SBF2: variants seen among roughly 807,000 people sequenced by gnomAD.
SBF2 encodes myotubularin-related protein 13.
A neutral mutation model predicts 225.2 loss-of-function variants in SBF2; 112 were observed. That is an observed-to-expected ratio of 0.50 (90% CI 0.43 to 0.58). SBF2 has a LOEUF of 0.58. Among genes scored for constraint, SBF2 ranks in the 20% least tolerant of loss-of-function variants. SBF2 has a pLI of 0.00. For synonymous variants in SBF2, 763 were observed against 773.3 expected (o/e 0.99, Z 0.22); for missense variants, 1,996 against 2,206.2 (o/e 0.90, Z 1.91).
intron 32 of SBF2, among the ~76,000 whole-genome samples, chr11:9,804,888 C>A (rs1175351528): frequency 6.6e-6 from 1 of 152,148 alleles, no homozygotes; most frequent in Non-Finnish European, 1.5e-5. Flanking sequence ...CCTTTATAGT[C>A]ACACTCATTT....
intron 13 of SBF2, among the ~76,000 whole-genome samples, chr11:9,970,475 T>C (rs926922839): frequency 2.6e-4 from 39 of 152,236 alleles, no homozygotes; most frequent in African/African-American, 9.4e-4. Flanking sequence ...ATACATCCTC[T>C]TGACACTTAA....
intron 2 of SBF2, among the ~76,000 whole-genome samples, chr11:10,044,292 C>A (rs891368570): frequency 6.7e-6 from 1 of 148,538 alleles, no homozygotes; most frequent in African/African-American, 2.5e-5. Flanking sequence ...AAATGAAAGA[C>A]GGGATATCAG....
chr11:10,190,280 T>A (rs181365180), intron 2 of SBF2, among the ~76,000 whole-genome samples: 1 of 152,206 alleles, frequency 6.6e-6, no homozygotes, highest in Non-Finnish European at 1.5e-5. Flanking sequence ...TTGTTAACCA[T>A]AGAATGCCTC....
intron 2 of SBF2, among the ~76,000 whole-genome samples, chr11:10,065,925 CAAG>C (rs1261513042): frequency 1.3e-5 from 2 of 152,002 alleles, no homozygotes; most frequent in East Asian, 1.9e-4. Context: ...CCAGCCTGGG[CAAG>C]AAGAACAAAA....
intron 9 of SBF2, 33 bp from the exon 10 acceptor site, chr11:9,994,031 C>G: frequency 1.7e-6 from 2 of 1,156,410 alleles, no homozygotes; most frequent in East Asian, 4.7e-5. Flanking sequence ...TGTAAAATAT[C>G]ATAATATCAA....
intron 2 of SBF2, among the ~76,000 whole-genome samples, chr11:10,171,928 A>G (rs912998310): frequency 4.6e-5 from 7 of 152,130 alleles, no homozygotes; most frequent in African/African-American, 1.4e-4. Flanking sequence ...CAATTTATTG[A>G]CATATAGTTG....
chr11:10,076,240 C>T (rs555453696), intron 2 of SBF2, among the ~76,000 whole-genome samples: 1 of 152,280 alleles, frequency 6.6e-6, no homozygotes, highest in Admixed American at 6.5e-5. Context: ...AGTTGGAGAA[C>T]AGGGAGACTG....
chr11:9,979,525 T>C (rs1946849085), intron 13 of SBF2, among the ~76,000 whole-genome samples: 1 of 152,224 alleles, frequency 6.6e-6, no homozygotes, highest in South Asian at 2.1e-4. Flanking sequence ...AGATTTCTTT[T>C]TTAAGTTTTA....
intron 2 of SBF2, among the ~76,000 whole-genome samples, chr11:10,108,980 A>G (rs1952709386): frequency 6.6e-6 from 1 of 152,212 alleles, no homozygotes; most frequent in Non-Finnish European, 1.5e-5. Flanking sequence ...AGGAGGAGGA[A>G]AAGTTAGAAG....
intron 16 of SBF2, among the ~76,000 whole-genome samples, chr11:9,928,162 G>C (rs755229370): frequency 9.2e-5 from 14 of 151,986 alleles, no homozygotes; most frequent in Non-Finnish European, 1.6e-4. Context: ...ACTGTTCAGA[G>C]AATAAAAATA....
At chr11:10,218,403 G>A (rs1312927646) in intron 1 of SBF2, among the ~76,000 whole-genome samples, 1 of 132,074 alleles carries the variant, frequency 7.6e-6, no homozygotes, top group Admixed American at 9.6e-5. Context: ...TAAAATTCAA[G>A]CTAAGATTTG....
chr11:10,228,146 G>T (rs1958662796), intron 1 of SBF2, among the ~76,000 whole-genome samples: 1 of 152,128 alleles, frequency 6.6e-6, no homozygotes, highest in Admixed American at 6.6e-5. Context: ...GTATAAGAAT[G>T]TTTGTGATTT....
intron 32 of SBF2, among the ~76,000 whole-genome samples, chr11:9,801,575 C>A (rs1301978496): frequency 6.6e-6 from 1 of 152,048 alleles, no homozygotes; most frequent in Non-Finnish European, 1.5e-5. Context: ...TTAAACAGAC[C>A]CTAGGAGAGT....
intron 6 of SBF2, among the ~76,000 whole-genome samples, chr11:10,021,155 T>G (rs1329698965): frequency 6.6e-6 from 1 of 152,206 alleles, no homozygotes; most frequent in Non-Finnish European, 1.5e-5. Context: ...AAGAGTATAC[T>G]GTGAAAACTG....
intron 2 of SBF2, among the ~76,000 whole-genome samples, chr11:10,113,585 T>C (rs1353791495): frequency 6.6e-6 from 1 of 152,144 alleles, no homozygotes; most frequent in Non-Finnish European, 1.5e-5. Flanking sequence ...CTATAAAGAC[T>C]AAAGATGTAG....
At chr11:9,985,845 A>G (rs1423802953) in intron 13 of SBF2, among the ~76,000 whole-genome samples, 2 of 152,206 alleles carry the variant, frequency 1.3e-5, no homozygotes, top group Admixed American at 6.5e-5. Context: ...GGGGACGTCA[A>G]TACTCCACTG....
chr11:9,819,488 G>A (rs1032243799), intron 28 of SBF2: 1 of 152,146 alleles, frequency 6.6e-6, no homozygotes, highest in African/African-American at 2.4e-5. Context: ...AAAAAAAGAT[G>A]TATTGAGTAC....
chr11:9,925,551 T>C (rs561500071), intron 16 of SBF2, among the ~76,000 whole-genome samples: 28 of 152,144 alleles, frequency 1.8e-4, no homozygotes, highest in African/African-American at 5.5e-4. Context: ...GCTGGGATTA[T>C]AGGCGTGAGC....
At chr11:10,148,274 T>C (rs1024369647) in intron 2 of SBF2, among the ~76,000 whole-genome samples, 8 of 151,996 alleles carry the variant, frequency 5.3e-5, no homozygotes, top group Non-Finnish European at 1.0e-4. Context: ...GGAACTAAGT[T>C]CCAAAAATCC....
Sources: gnomAD v4.1 joint callset for allele counts (sites outside exome capture counted in the v4.1 genomes callset) on GRCh38, gnomAD v4.1.1 for gene constraint, MANE v1.5 for transcripts, NCBI Gene and HGNC (gene_info 2026-07-23, HGNC 2026-07-21) for gene names.